RIIAD1: variants seen among roughly 807,000 people sequenced by gnomAD.
RIIAD1 encodes the protein RIIa domain-containing protein 1.
A neutral mutation model predicts 13.3 loss-of-function variants in RIIAD1; 15 were observed. The observed-to-expected ratio is 1.13, with a 90% CI of 0.76 to 1.74. The LOEUF (loss-of-function observed/expected upper bound fraction) is 1.74. Ranked by LOEUF, RIIAD1 falls within the 40% of genes most tolerant of loss-of-function variation. The probability of loss-of-function intolerance (pLI) is 0.00; values close to 1 mark genes in which losing one functional copy is unlikely to be tolerated. For synonymous variants in RIIAD1, 50 were observed against 43.3 expected (o/e 1.16, Z -0.61); for missense variants, 121 against 112.2 (o/e 1.08, Z -0.35).
Position 151,713,287 on chromosome 1 carries a change from C to A in RIIAD1, c.-185-182C>A, listed in dbSNP as rs1673182633. 3.3e-5 allele frequency among the ~76,000 whole-genome samples: 5 copies of A among 152,214 alleles called. No homozygotes were observed. The South Asian group carries it at 1.0e-3, about 31-fold the overall frequency. On this transcript the variant is annotated intron_variant, in intron 2 of 8. Coordinates refer to the RIIAD1 transcript ENST00000326413. ...GAAGGGCAGGTGGTGCCTCTCCACA[C>A]CCAGGATGGAGCTCTGCCTGAGCTG...
At chr1:151,716,692 G>T (rs1281847801), upstream of RIIAD1, 4 of 65,702 alleles carry the variant, frequency 6.1e-5, no homozygotes, top group Non-Finnish European at 1.0e-4. Flanking sequence ...CCCCACCCCA[G>T]TCCCCGGGCC....
At position 151,721,616 on chromosome 1, in the gene RIIAD1, T is replaced by A; in HGVS notation, c.80T>A (p.Phe27Tyr). ...SAAQLEQLRK[F>Y]KIQTRIANEK... ...GCGCAGCTGGAGCAGCTGCGAAAAT[T>A]CAAGGTGGGTGCGCCCGCGCCCCCA... Residue 27 changes from phenylalanine to tyrosine, a missense_variant, in exon 1 of 5, where the codon TTC (phenylalanine) becomes TAC (tyrosine). Phe to Tyr is a conservative substitution (Grantham distance 22). Transcript: ENST00000479191. The A allele has an allele frequency of 2.3e-6, 3 of 1,287,706 alleles. No individual in the cohort carries two copies. Among genetic ancestry groups the A allele is most frequent in the Non-Finnish European group, 3.0e-6 (3 of 1,014,342 alleles). The allele number at this position is 1,287,706 out of a possible 1,614,324, so 79.8% of individuals were successfully genotyped here. A position where few individuals can be genotyped will look rare whatever the true frequency, so the allele number is the denominator to read the frequency against.
chr1:151,728,398 G>C (rs1427269486), intron 3 of RIIAD1: 1 of 258,628 alleles, frequency 3.9e-6, no homozygotes, highest in Non-Finnish European at 7.3e-6. Context: ...GCCTGGAGCA[G>C]AAAACCCAGA....
chr1:151,722,319 G>A (rs764803658), intron 2 of RIIAD1, among the ~76,000 whole-genome samples, 157 bp downstream of exon 2: 1 of 152,214 alleles, frequency 6.6e-6, no homozygotes, highest in South Asian at 2.1e-4. Flanking sequence ...TTGGAAGAGG[G>A]AATTTGGCGT....
chr1:151,720,500 C>A (rs1162368330), upstream of RIIAD1, among the ~76,000 whole-genome samples: 1 of 152,224 alleles, frequency 6.6e-6, no homozygotes, highest in Non-Finnish European at 1.5e-5. Context: ...TAATTTACTT[C>A]TTGTGGTTTT....
upstream of RIIAD1, chr1:151,716,816 AC>A: frequency 2.2e-5 from 7 of 321,158 alleles, no homozygotes; most frequent in East Asian, 2.2e-4. Context: ...CCCCCTCCAC[AC>A]CCCCCTCCCC....
chr1:151,718,277 C>T (rs749304008), upstream of RIIAD1, among the ~76,000 whole-genome samples: 2 of 152,156 alleles, frequency 1.3e-5, no homozygotes, highest in African/African-American at 2.4e-5. Context: ...TCACCACCCC[C>T]CTATGATGTA....
At chr1:151,720,029 G>T (rs1221270776), upstream of RIIAD1, among the ~76,000 whole-genome samples, 1 of 152,102 alleles carries the variant, frequency 6.6e-6, no homozygotes, top group Non-Finnish European at 1.5e-5. Flanking sequence ...AGAAACAAGA[G>T]AAATTACTTT....
intron 2 of RIIAD1, among the ~76,000 whole-genome samples, chr1:151,712,160 A>G (rs1033633727): frequency 1.3e-5 from 2 of 151,974 alleles, no homozygotes; most frequent in Admixed American, 1.3e-4. Context: ...TGCCCTGTTT[A>G]CCTGGCAACC....
chr1:151,716,669 G>GCCCCCCCCCCCC, upstream of RIIAD1: 1 of 116,324 alleles, frequency 8.6e-6, no homozygotes, highest in Admixed American at 1.2e-4. Context: ...CCTCCCCTCA[G>GCCCCCCCCCCCC]CCCCCCTCCC....
At chr1:151,725,508 G>A (rs1349512022) in intron 2 of RIIAD1, among the ~76,000 whole-genome samples, 1 of 152,106 alleles carries the variant, frequency 6.6e-6, no homozygotes, top group East Asian at 1.9e-4. Context: ...CATATCCTAA[G>A]CTGGATGAAC....
At chr1:151,727,700 G>A (rs970777678) in intron 3 of RIIAD1, 79 bp downstream of exon 3, 4 of 932,354 alleles carry the variant, frequency 4.3e-6, no homozygotes, top group African/African-American at 5.9e-5. Context: ...ACTTGAATGA[G>A]CCCAGGATTC....
chr1:151,721,444 T>C (rs1021650650), upstream of RIIAD1: 31 of 706,386 alleles, frequency 4.4e-5, no homozygotes, highest in South Asian at 1.2e-3. Context: ...CCCTAGCCCC[T>C]GCTTCGCTGA....
intron 2 of RIIAD1, among the ~76,000 whole-genome samples, chr1:151,726,364 A>C (rs903865605): frequency 6.6e-6 from 1 of 152,164 alleles, no homozygotes; most frequent in Non-Finnish European, 1.5e-5. Context: ...GCTATATTTT[A>C]TTTTATTTTG....
At chr1:151,719,705 C>A (rs951356146), upstream of RIIAD1, 9 of 701,252 alleles carry the variant, frequency 1.3e-5, no homozygotes, top group South Asian at 4.5e-5. Flanking sequence ...CAGGCCAACA[C>A]AATACATAAT....
chr1:151,728,821 C>T lies in RIIAD1; in HGVS notation c.264C>T (p.Asp88=). The T allele has an allele frequency of 6.5e-7, 1 of 1,541,132 alleles. No individual in the cohort carries two copies. Among genetic ancestry groups the T allele is most frequent in the African/African-American group, 1.4e-5 (1 of 72,962 alleles). ...PNKIHMQLIK[D]KKAA is the part of the protein sequence containing the mutation. ...AGATTCACATGCAGCTAATTAAAGA[C>T]AAGAAAGCGGCTTAATTAGCAAAAT... Residue 88 remains aspartate (D), a synonymous_variant, in exon 4 of 5, where the codon GAC becomes GAT. Transcript: ENST00000479191.
At chr1:151,716,151 C>A in intron 4 of RIIAD1, 1 of 901,114 alleles carries the variant, frequency 1.1e-6, no homozygotes, top group South Asian at 1.8e-5. Context: ...TGGCCCCCAA[C>A]CACGCTGCTA....
chr1:151,714,669 G>A, intron 4 of RIIAD1: 2 of 1,558,174 alleles, frequency 1.3e-6, no homozygotes, highest in Non-Finnish European at 1.7e-6. Flanking sequence ...ATGTCAGGAA[G>A]GCACATCCTG....
chr1:151,716,172 C>A (rs143401553), intron 4 of RIIAD1: 3 of 723,284 alleles, frequency 4.1e-6, no homozygotes, highest in South Asian at 4.1e-5. Context: ...AGCAGAGGGG[C>A]GGCTCTTCAC....
Sources: gnomAD v4.1 joint callset for allele counts (sites outside exome capture counted in the v4.1 genomes callset) on GRCh38, gnomAD v4.1.1 for gene constraint, MANE v1.5 for transcripts, NCBI Gene and HGNC (gene_info 2026-07-23, HGNC 2026-07-21) for gene names.